The following IRAK1BP1 variants were observed in gnomAD, a reference collection of about 807,000 sequenced individuals.
The protein encoded by IRAK1BP1 is interleukin-1 receptor-associated kinase 1-binding protein 1.
Under a neutral mutation model 28.0 loss-of-function variants are expected in IRAK1BP1, and 24 were observed. That is an observed-to-expected ratio of 0.86 (90% CI 0.62 to 1.20). The LOEUF is 1.20. IRAK1BP1 is among the 50% of genes most tolerant of loss of function. The pLI, the probability that IRAK1BP1 is intolerant of heterozygous loss-of-function variation, is 0.00. For synonymous variants in IRAK1BP1, 131 were observed against 116.3 expected, an observed-to-expected ratio of 1.13 and a Z score of -0.81; for missense variants, 336 against 316.7, an observed-to-expected ratio of 1.06 and a Z score of -0.46.
exon 5 of IRAK1BP1, chr6:78,945,670 TTAA>T (rs1773773767): frequency 1.6e-6 from 1 of 629,576 alleles, no homozygotes; most frequent in African/African-American, 1.9e-5. Flanking sequence ...CTAGAAACTC[TTAA>T]TAGTTTCAGC....
At chr6:78,923,735 A>C (rs1372767440) in intron 4 of IRAK1BP1, among the ~76,000 whole-genome samples, 1 of 152,216 alleles carries the variant, frequency 6.6e-6, no homozygotes, top group African/African-American at 2.4e-5. Context: ...ACCACAGTGC[A>C]ATCAAACTAG....
At chr6:78,913,277 G>A (rs887742999) in intron 4 of IRAK1BP1, among the ~76,000 whole-genome samples, 6 of 151,798 alleles carry the variant, frequency 4.0e-5, no homozygotes, top group Non-Finnish European at 8.8e-5. Context: ...TGAAGTTGTG[G>A]TGAGCTGAGA....
At chr6:78,976,220 G>A in the IRAK1BP1 span, among the ~76,000 whole-genome samples, 1,635 of 147,966 alleles carry the variant, frequency 0.011, 16 homozygotes, top group Non-Finnish European at 0.017. Flanking sequence ...AAATAACGCC[G>A]CATATCTACA....
Position 78,902,954 on chromosome 6 carries a change from T to C in IRAK1BP1, c.*4620T>C. The C allele has an allele frequency of 9.3e-7, 1 of 1,074,390 alleles. No individual in the cohort carries two copies. The highest frequency in any genetic ancestry group is 1.4e-6 in the Non-Finnish European group (1 of 732,416). The allele number at this position is 1,074,390 out of a possible 1,614,324, so 66.6% of individuals were successfully genotyped here. On this transcript the variant is annotated 3_prime_UTR_variant, in exon 4 of 4. Transcript: ENST00000369940. ...TTCTACTATTAAAACAATAAAACTCTTATAAACCTGTTTATCAGAAGGATA... is the reference window on the plus strand; with the variant it reads ...TTCTACTATTAAAACAATAAAACTCCTATAAACCTGTTTATCAGAAGGATA...
chr6:78,950,069 C>T (rs1774059923), downstream of IRAK1BP1, among the ~76,000 whole-genome samples: 1 of 152,024 alleles, frequency 6.6e-6, no homozygotes, highest in Non-Finnish European at 1.5e-5. Flanking sequence ...TTACCATAAC[C>T]AAAATACACA....
the IRAK1BP1 span, among the ~76,000 whole-genome samples, chr6:78,966,717 G>T: frequency 6.6e-6 from 1 of 152,292 alleles, no homozygotes; most frequent in South Asian, 2.1e-4. Flanking sequence ...AGCTATAAAT[G>T]CTATGGCTTT....
chr6:78,914,640 G>T (rs979446179), intron 4 of IRAK1BP1, among the ~76,000 whole-genome samples: 41 of 152,072 alleles, frequency 2.7e-4, no homozygotes, highest in African/African-American at 9.2e-4. Context: ...CACTGCTTCT[G>T]TGAAATATGA....
the IRAK1BP1 span, among the ~76,000 whole-genome samples, chr6:78,968,617 G>GT: frequency 6.6e-6 from 1 of 152,196 alleles, no homozygotes. Context: ...TGCATAAAAA[G>GT]TATGTGTATT....
chr6:78,952,038 G>C, the IRAK1BP1 span, among the ~76,000 whole-genome samples: 1 of 152,084 alleles, frequency 6.6e-6, no homozygotes, highest in Non-Finnish European at 1.5e-5. Flanking sequence ...CAATTGTTGA[G>C]TTTTTTTCAC....
chr6:78,905,957 C>G (rs892766689), downstream of IRAK1BP1, among the ~76,000 whole-genome samples: 2 of 152,026 alleles, frequency 1.3e-5, no homozygotes, highest in Non-Finnish European at 2.9e-5. Context: ...ACATCTGTAC[C>G]TAAGTGAAAG....
At chr6:78,872,010 A>G (rs2127664906) in intron 1 of IRAK1BP1, 1 of 618,568 alleles carries the variant, frequency 1.6e-6, no homozygotes, top group East Asian at 3.0e-5. Context: ...ATGCCAGGGA[A>G]TTAAAGTCCT....
At chr6:78,920,526 C>A (rs1772695311) in intron 4 of IRAK1BP1, among the ~76,000 whole-genome samples, 1 of 152,132 alleles carries the variant, frequency 6.6e-6, no homozygotes, top group African/African-American at 2.4e-5. Context: ...AAATAACAAG[C>A]AATGGTGAAA....
At chr6:78,875,987 A>AT (rs1206932423) in intron 1 of IRAK1BP1, among the ~76,000 whole-genome samples, 1 of 152,110 alleles carries the variant, frequency 6.6e-6, no homozygotes, top group Non-Finnish European at 1.5e-5. Flanking sequence ...TATGAAAATA[A>AT]TTTTTATGGC....
chr6:78,942,854 C>G (rs1159228785), intron 4 of IRAK1BP1, among the ~76,000 whole-genome samples: 2 of 152,054 alleles, frequency 1.3e-5, no homozygotes, highest in Non-Finnish European at 2.9e-5. Flanking sequence ...GAGACAGGGA[C>G]TATAGGACTC....
chr6:78,908,521 A>G (rs1466767805), intron 4 of IRAK1BP1, among the ~76,000 whole-genome samples: 1 of 151,844 alleles, frequency 6.6e-6, no homozygotes, highest in Non-Finnish European at 1.5e-5. Flanking sequence ...TCCTATTTTT[A>G]GTAGAGATGA....
rs1562088964 is a variant in IRAK1BP1, at chr6:78,898,432, A to ATATATATATATATG, written c.*99_*112dup. On this transcript the variant is annotated 3_prime_UTR_variant, in exon 4 of 4. Coordinates refer to ENST00000369940, the MANE Select transcript of IRAK1BP1 (RefSeq NM_001010844.4). ...CCTGAATATATATATATATATATAT[A>ATATATATATATATG]TATATATATATATGGTATAGGAGAT... is the stretch of plus-strand genomic sequence containing the variant. The ATATATATATATATG allele has an allele frequency of 6.0e-6, 1 of 165,304 alleles. No individual in the cohort carries two copies. Among genetic ancestry groups the ATATATATATATATG allele is most frequent in the East Asian group, 1.8e-4 (1 of 5,566 alleles). 10.2% of individuals were successfully genotyped at this position (165,304 alleles called of 1,614,324 possible).
intron 2 of IRAK1BP1, among the ~76,000 whole-genome samples, chr6:78,895,631 G>GA (rs1452306379): frequency 1.3e-5 from 2 of 151,886 alleles, no homozygotes; most frequent in African/African-American, 4.8e-5. Context: ...TTAATAAACT[G>GA]AAAAAAATCA....
chr6:78,920,949 G>A (rs1260015062), intron 4 of IRAK1BP1, among the ~76,000 whole-genome samples: 1 of 152,118 alleles, frequency 6.6e-6, no homozygotes, highest in Non-Finnish European at 1.5e-5. Flanking sequence ...AGCAAGTGAA[G>A]CCAAGATAGC....
chr6:78,975,279 A>G, the IRAK1BP1 span, among the ~76,000 whole-genome samples: 9 of 152,180 alleles, frequency 5.9e-5, no homozygotes, highest in Non-Finnish European at 1.0e-4. Flanking sequence ...AAACCACATG[A>G]TTATCTCAAT....
Sources: allele counts gnomAD v4.1 joint callset (sites outside exome capture counted in the v4.1 genomes callset), GRCh38; gene constraint gnomAD v4.1.1; transcripts MANE v1.5; gene names NCBI Gene and HGNC (gene_info 2026-07-23, HGNC 2026-07-21).